Variants in TENM2 observed in about 807,000 individuals in gnomAD.
TENM2 encodes the protein teneurin-2.
TENM2 carries 52 observed loss-of-function variants against 245.2 expected under a neutral mutation model. The observed-to-expected ratio is 0.21, with a 90% CI of 0.17 to 0.27. The LOEUF (loss-of-function observed/expected upper bound fraction) is 0.27. Ranked by LOEUF, TENM2 falls within the 10% of genes least tolerant of loss-of-function variation. TENM2 has a pLI of 1.00. For missense variants in TENM2, 3,046 were observed against 3,666.8 expected, an observed-to-expected ratio of 0.83 and a Z score of 4.37; for synonymous variants, 1,363 against 1,438.9, an observed-to-expected ratio of 0.95 and a Z score of 1.19.
intron 5 of TENM2, among the ~76,000 whole-genome samples, chr5:168,020,134 C>T (rs902379187): frequency 6.6e-5 from 10 of 152,160 alleles, no homozygotes; most frequent in Non-Finnish European, 1.3e-4. Flanking sequence ...AAGAGAATGT[C>T]GAGGATGTAG....
intron 21 of TENM2, among the ~76,000 whole-genome samples, chr5:168,216,529 T>C (rs1195971590): frequency 6.6e-6 from 1 of 152,202 alleles, no homozygotes; most frequent in Non-Finnish European, 1.5e-5. Flanking sequence ...TTTCGTCAGT[T>C]GCAGGGAAGA....
chr5:167,260,871 A>T, the TENM2 span, among the ~76,000 whole-genome samples: 1 of 152,208 alleles, frequency 6.6e-6, no homozygotes, highest in African/African-American at 2.4e-5. Flanking sequence ...GATAAAGACA[A>T]CACTGATAAT....
chr5:167,613,205 C>T (rs1174835351), intron 2 of TENM2, among the ~76,000 whole-genome samples: 3 of 152,126 alleles, frequency 2.0e-5, no homozygotes, highest in Non-Finnish European at 4.4e-5. Context: ...TAACACTGGG[C>T]AAGTCACTTA....
the TENM2 span, among the ~76,000 whole-genome samples, chr5:167,088,962 T>C: frequency 1.3e-5 from 2 of 152,218 alleles, no homozygotes; most frequent in Admixed American, 6.5e-5. Context: ...TCTGCATTCA[T>C]CCAAAATGCT....
the TENM2 span, among the ~76,000 whole-genome samples, chr5:167,197,278 T>C: frequency 1.3e-5 from 2 of 152,234 alleles, no homozygotes; most frequent in African/African-American, 4.8e-5. Flanking sequence ...GTGCTATTTC[T>C]ACAACATGGC....
At chr5:167,859,525 A>C (rs1177348011) in intron 2 of TENM2, among the ~76,000 whole-genome samples, 32 of 54,204 alleles carry the variant, frequency 5.9e-4, no homozygotes, top group South Asian at 2.2e-3. Context: ...CAGCCCCCCC[A>C]CCCGGCCAGC....
At chr5:167,707,830 C>G (rs972760098) in intron 2 of TENM2, among the ~76,000 whole-genome samples, 1 of 152,110 alleles carries the variant, frequency 6.6e-6, no homozygotes, top group African/African-American at 2.4e-5. Context: ...TCTAAGCTGC[C>G]TCAGCTTTAA....
chr5:168,177,823 C>A (rs1235615109), intron 13 of TENM2, among the ~76,000 whole-genome samples: 1 of 152,192 alleles, frequency 6.6e-6, no homozygotes, highest in African/African-American at 2.4e-5. Flanking sequence ...GGTAACAGCA[C>A]AAGACCTCAT....
intron 2 of TENM2, among the ~76,000 whole-genome samples, chr5:167,537,714 G>A (rs751532721): frequency 1.6e-4 from 25 of 152,286 alleles, no homozygotes; most frequent in South Asian, 4.1e-4. Context: ...CAGGTATGAG[G>A]CAAAGATTAA....
chr5:166,989,667 C>T, the TENM2 span, among the ~76,000 whole-genome samples: 1 of 151,604 alleles, frequency 6.6e-6, no homozygotes, highest in Non-Finnish European at 1.5e-5. Context: ...GCTGGGATTA[C>T]AGACGTGAGC....
intron 2 of TENM2, among the ~76,000 whole-genome samples, chr5:167,473,770 T>G (rs765600489): frequency 3.3e-5 from 5 of 152,204 alleles, no homozygotes; most frequent in Non-Finnish European, 7.3e-5. Context: ...ATCTGTTTCC[T>G]TATTTAGAAA....
chr5:168,177,540 C>T (rs371810365), intron 13 of TENM2, among the ~76,000 whole-genome samples: 18 of 152,250 alleles, frequency 1.2e-4, no homozygotes, highest in East Asian at 9.7e-4. Flanking sequence ...AGAGTAGATG[C>T]GAAGATTAAA....
chr5:167,669,557 A>G (rs548820550), intron 2 of TENM2, among the ~76,000 whole-genome samples: 3 of 152,246 alleles, frequency 2.0e-5, no homozygotes, highest in Admixed American at 1.3e-4. Flanking sequence ...ATTCACAAAT[A>G]TTATATATTG....
At chr5:167,518,012 C>A (rs1346734692) in intron 2 of TENM2, among the ~76,000 whole-genome samples, 1 of 151,932 alleles carries the variant, frequency 6.6e-6, no homozygotes, top group Non-Finnish European at 1.5e-5. Flanking sequence ...CATGGTGAAA[C>A]CCCGTCTCTA....
intron 2 of TENM2, among the ~76,000 whole-genome samples, chr5:167,426,636 C>T (rs553938520): frequency 1.3e-5 from 2 of 151,512 alleles, no homozygotes; most frequent in South Asian, 2.1e-4. Flanking sequence ...GGTGTGATTG[C>T]GATCCATTTT....
At chr5:167,166,301 G>A in the TENM2 span, among the ~76,000 whole-genome samples, 1 of 152,020 alleles carries the variant, frequency 6.6e-6, no homozygotes, top group African/African-American at 2.4e-5. Context: ...TATTTTTTTG[G>A]TATTCAGAAT....
At chr5:167,175,218 T>A in the TENM2 span, among the ~76,000 whole-genome samples, 1 of 152,196 alleles carries the variant, frequency 6.6e-6, no homozygotes, top group Non-Finnish European at 1.5e-5. Context: ...TTTTAAATAT[T>A]TTTGTCTGTT....
chr5:168,247,986 C>T lies in TENM2; in HGVS notation c.7047C>T (p.Asp2349=). 6.2e-7 allele frequency: 1 copy of T among 1,614,002 alleles called. No homozygotes were observed. The highest frequency in any genetic ancestry group is 8.5e-7 in the Non-Finnish European group (1 of 1,179,902). Residue 2349 remains aspartate, a synonymous_variant, in exon 27 of 29, where the codon GAC becomes GAT. Transcript: ENST00000518659. The surrounding 1 kb of genome is among the most constrained non-coding windows in gnomAD (Gnocchi z 7.8). Reference sequence around the variant, plus strand: ...CGGAGATTACCTCACTGTACTACGACCTCCAGGGCCACCTCTTTGCCATGG... The same window carrying T: ...CGGAGATTACCTCACTGTACTACGATCTCCAGGGCCACCTCTTTGCCATGG...
At chr5:167,859,080 G>C (rs1411725261) in intron 2 of TENM2, among the ~76,000 whole-genome samples, 1 of 148,888 alleles carries the variant, frequency 6.7e-6, no homozygotes. Flanking sequence ...TCTCTGCCCG[G>C]CCGCCCATCG....
Sources: allele counts gnomAD v4.1 joint callset (sites outside exome capture counted in the v4.1 genomes callset), GRCh38; gene constraint gnomAD v4.1.1; non-coding constraint Gnocchi (gnomAD v3.1); transcripts MANE v1.5; gene names NCBI Gene and HGNC (gene_info 2026-07-23, HGNC 2026-07-21).